NTNG1: variants seen among roughly 807,000 people sequenced by gnomAD.
The protein encoded by NTNG1 is netrin-G1.
Under a neutral mutation model 54.0 loss-of-function variants are expected in NTNG1, and 16 were observed. The observed-to-expected ratio is 0.30, with a 90% CI of 0.20 to 0.45. The LOEUF (loss-of-function observed/expected upper bound fraction) is 0.45. Among genes scored for constraint, NTNG1 ranks in the 20% least tolerant of loss-of-function variants. The probability of loss-of-function intolerance (pLI) is 1.00; values close to 1 mark genes in which losing one functional copy is unlikely to be tolerated. For missense variants in NTNG1, 530 were observed against 678.7 expected (o/e 0.78, Z 2.43); for synonymous variants, 255 against 263.1 (o/e 0.97, Z 0.30).
At chr1:107,373,965 G>C (rs1483601201) in intron 3 of NTNG1, among the ~76,000 whole-genome samples, 2 of 152,126 alleles carry the variant, frequency 1.3e-5, no homozygotes, top group Non-Finnish European at 2.9e-5. Context: ...GCCTCTGAGA[G>C]TATTGGGATT....
chr1:107,333,981 G>A (rs1207079710), intron 3 of NTNG1: 1 of 151,812 alleles, frequency 6.6e-6, no homozygotes, highest in Non-Finnish European at 1.5e-5. Context: ...AGTCAGCAAA[G>A]ATGTGAAAAA....
chr1:107,220,292 A>G (rs535941040), intron 2 of NTNG1, among the ~76,000 whole-genome samples: 66 of 152,284 alleles, frequency 4.3e-4, no homozygotes, highest in Non-Finnish European at 8.8e-4. Context: ...TGGCTCTCCC[A>G]TGGAGCCTGC....
Position 107,180,545 on chromosome 1 carries a change from A to G in NTNG1, c.246+31706A>G, listed in dbSNP as rs550699769. On this transcript the variant is annotated intron_variant, in intron 2 of 7. Transcript: ENST00000370068. ...TGATCAAGATTTGCTAAACTGGTTT[A>G]TGACATACTGATAATTTTATAGTGT... Among the ~76,000 whole-genome samples, 64 of 152,310 alleles carry G rather than the reference A, an allele frequency of 4.2e-4. No individual in the cohort carries two copies. The Middle Eastern group carries it at 0.01, about 24-fold the overall frequency.
At chr1:107,463,157 G>C (rs1677384030) in intron 7 of NTNG1, among the ~76,000 whole-genome samples, 1 of 152,190 alleles carries the variant, frequency 6.6e-6, no homozygotes, top group South Asian at 2.1e-4. Flanking sequence ...TAGATTCCTA[G>C]TCTAGTTAGT....
rs1480140555 is a variant in NTNG1 at position 107,274,354 on chromosome 1, A to T, written c.247-49928A>T. ...CTATTTGAAAAGATTTGGTGGAGTC[A>T]GTAGAACTTGAGTTTGAACTGCCTA... is the stretch of plus-strand genomic sequence containing the variant. On this transcript the variant is annotated intron_variant, in intron 2 of 7. Transcript: ENST00000370068. 2.0e-5 allele frequency among the ~76,000 whole-genome samples: 3 copies of T among 152,256 alleles called. No homozygotes were observed. The South Asian group carries it at 6.2e-4, about 31-fold the overall frequency.
chr1:107,364,631 C>A (rs11185099), intron 3 of NTNG1, among the ~76,000 whole-genome samples: 1,741 of 152,236 alleles, frequency 0.011, 40 homozygotes, highest in African/African-American at 0.04. Context: ...AAAACTGCAC[C>A]CCTTGGTTTC....
At chr1:107,414,839 C>A (rs1434673838) in intron 5 of NTNG1, among the ~76,000 whole-genome samples, 1 of 152,108 alleles carries the variant, frequency 6.6e-6, no homozygotes, top group Non-Finnish European at 1.5e-5. Flanking sequence ...AAGCTAGGCA[C>A]AAAGCAGTTA....
At chr1:107,479,911 G>T (rs1249053299) in intron 7 of NTNG1, among the ~76,000 whole-genome samples, 2 of 152,110 alleles carry the variant, frequency 1.3e-5, no homozygotes, top group Admixed American at 6.5e-5. Context: ...CGGAAATCAA[G>T]GTAACCTTGG....
At chr1:107,239,721 G>A (rs748135854) in intron 2 of NTNG1, among the ~76,000 whole-genome samples, 1 of 152,164 alleles carries the variant, frequency 6.6e-6, no homozygotes, top group Non-Finnish European at 1.5e-5. Context: ...CTGACTTCTG[G>A]TCAGGTTGGC....
At chr1:107,392,352 G>T (rs1672413670) in intron 3 of NTNG1, among the ~76,000 whole-genome samples, 1 of 152,034 alleles carries the variant, frequency 6.6e-6, no homozygotes, top group Non-Finnish European at 1.5e-5. Context: ...TAAAAGGTTT[G>T]TAATGCGAAG....
intron 3 of NTNG1, among the ~76,000 whole-genome samples, chr1:107,348,945 A>G (rs1006157879): frequency 2.6e-5 from 4 of 152,192 alleles, no homozygotes; most frequent in African/African-American, 9.7e-5. Context: ...TTTTGTGCTT[A>G]ATATCCTCCC....
At chr1:107,374,098 T>C (rs932185817) in intron 3 of NTNG1, among the ~76,000 whole-genome samples, 4 of 152,236 alleles carry the variant, frequency 2.6e-5, no homozygotes. Context: ...TTTACTCTAC[T>C]GTCTTCTCAC....
At position 107,481,976 on chromosome 1, in the gene NTNG1, G is replaced by A. The variant is rs1010226657; in HGVS notation, c.*1136G>A. ...TTCAGCTGACGAATTTAGTTCCCAG[G>A]AAGATGGATTGATGTTCACTAGCTT... On this transcript the variant is annotated 3_prime_UTR_variant, in exon 8 of 8. Coordinates refer to ENST00000370068, the MANE Select transcript of NTNG1 (RefSeq NM_001113226.3). 1 of 146,066 alleles carries A rather than the reference G, an allele frequency of 6.8e-6. No individual in the cohort carries two copies. The highest frequency in any genetic ancestry group is 2.5e-5 in the African/African-American group (1 of 39,588). The allele number at this position is 146,066 out of a possible 1,614,324, so 9.0% of individuals were successfully genotyped here.
chr1:107,364,495 G>A (rs887627298), intron 3 of NTNG1, among the ~76,000 whole-genome samples: 3 of 152,094 alleles, frequency 2.0e-5, no homozygotes, highest in African/African-American at 7.2e-5. Flanking sequence ...AACTGACTTG[G>A]TTAAAAGACT....
intron 4 of NTNG1, among the ~76,000 whole-genome samples, 173 bp from the exon 5 acceptor site, chr1:107,407,509 T>TGG (rs1263875404): frequency 2.6e-5 from 4 of 151,976 alleles, no homozygotes; most frequent in African/African-American, 4.8e-5. Context: ...TGTGTGTGTG[T>TGG]GTATAATGTG....
chr1:107,403,172 AC>A (rs566956558), intron 4 of NTNG1, among the ~76,000 whole-genome samples: 1 of 151,970 alleles, frequency 6.6e-6, no homozygotes, highest in Admixed American at 6.6e-5. Flanking sequence ...CTAGGTTCTC[AC>A]CCCCCTAATT....
chr1:107,475,767 C>A (rs1346993806), intron 7 of NTNG1, among the ~76,000 whole-genome samples: 1 of 152,094 alleles, frequency 6.6e-6, no homozygotes, highest in Non-Finnish European at 1.5e-5. Flanking sequence ...AGAAGTAATT[C>A]TTTGTTGTGG....
At chr1:107,348,621 C>T (rs1669411593) in intron 3 of NTNG1, among the ~76,000 whole-genome samples, 1 of 152,108 alleles carries the variant, frequency 6.6e-6, no homozygotes, top group Admixed American at 6.6e-5. Context: ...TCATTGTCCC[C>T]CTGATGACAA....
intron 7 of NTNG1, among the ~76,000 whole-genome samples, chr1:107,467,297 A>T (rs2101568599): frequency 6.6e-6 from 1 of 152,344 alleles, no homozygotes; most frequent in South Asian, 2.1e-4. Context: ...ATTGCTAATG[A>T]TAAAAGTGAA....
Sources: gnomAD v4.1 joint callset for allele counts (sites outside exome capture counted in the v4.1 genomes callset) on GRCh38, gnomAD v4.1.1 for gene constraint, MANE v1.5 for transcripts, NCBI Gene and HGNC (gene_info 2026-07-23, HGNC 2026-07-21) for gene names.